NCALD: variants seen among roughly 807,000 people sequenced by gnomAD.
NCALD encodes the protein neurocalcin-delta.
Under a neutral mutation model 18.6 loss-of-function variants are expected in NCALD, and 10 were observed. The observed-to-expected ratio is 0.54, with a 90% CI of 0.33 to 0.91. NCALD has a LOEUF of 0.91. Among genes scored for constraint, NCALD ranks in the 40% least tolerant of loss-of-function variants. The probability of loss-of-function intolerance (pLI) is 0.03; values close to 1 mark genes in which losing one functional copy is unlikely to be tolerated. For synonymous variants in NCALD, 88 were observed against 87.4 expected (o/e 1.01, Z -0.04); for missense variants, 184 against 247.6 (o/e 0.74, Z 1.72).
At chr8:101,772,527 T>C (rs1372539389) in intron 1 of NCALD, among the ~76,000 whole-genome samples, 1 of 152,210 alleles carries the variant, frequency 6.6e-6, no homozygotes, top group Non-Finnish European at 1.5e-5. Flanking sequence ...TTCTCTAGCA[T>C]GCTATTCCTG....
At chr8:102,080,782 A>G (rs773473557) in intron 1 of NCALD, among the ~76,000 whole-genome samples, 9 of 152,198 alleles carry the variant, frequency 5.9e-5, no homozygotes, top group South Asian at 4.1e-4. Flanking sequence ...TACCTAATCA[A>G]TGGTTCTTGA....
intron 3 of NCALD, among the ~76,000 whole-genome samples, chr8:101,900,342 T>C (rs1432002140): frequency 2.0e-5 from 3 of 151,916 alleles, no homozygotes; most frequent in Non-Finnish European, 4.4e-5. Context: ...TTTATTAATT[T>C]CTGCTTTTAT....
At chr8:102,061,380 G>T (rs952818735) in intron 1 of NCALD, among the ~76,000 whole-genome samples, 2 of 152,130 alleles carry the variant, frequency 1.3e-5, no homozygotes, top group Non-Finnish European at 2.9e-5. Flanking sequence ...AAACAAAAGG[G>T]AGTTGGTCAC....
intron 2 of NCALD, among the ~76,000 whole-genome samples, chr8:101,925,839 T>C (rs114131156): frequency 0.023 from 3,479 of 152,252 alleles, 49 homozygotes; most frequent in African/African-American, 0.047. Flanking sequence ...AAGGAATGAT[T>C]GATTGTCTGG....
chr8:102,121,873 T>G (rs1039144562), intron 1 of NCALD, among the ~76,000 whole-genome samples: 2 of 152,234 alleles, frequency 1.3e-5, no homozygotes, highest in East Asian at 3.8e-4. Context: ...ATATAAAGCT[T>G]GGTTTGGTCC....
At chr8:102,039,211 A>G (rs930043623) in intron 1 of NCALD, among the ~76,000 whole-genome samples, 2 of 152,128 alleles carry the variant, frequency 1.3e-5, no homozygotes, top group African/African-American at 4.8e-5. Context: ...GGTCCTCTGT[A>G]CTTGGACTCC....
At chr8:101,862,138 A>T (rs1283872603) in intron 4 of NCALD, among the ~76,000 whole-genome samples, 2 of 152,238 alleles carry the variant, frequency 1.3e-5, no homozygotes, top group African/African-American at 2.4e-5. Context: ...CTGACAAAGA[A>T]TTAGAAGTTA....
At chr8:101,946,468 T>C (rs936045292) in intron 2 of NCALD, among the ~76,000 whole-genome samples, 3 of 152,154 alleles carry the variant, frequency 2.0e-5, no homozygotes, top group African/African-American at 4.8e-5. Context: ...TTAAAAACTA[T>C]AAATGGAGCT....
chr8:102,042,987 A>G (rs1417903878), intron 1 of NCALD, among the ~76,000 whole-genome samples: 2 of 151,926 alleles, frequency 1.3e-5, no homozygotes, highest in Non-Finnish European at 1.5e-5. Flanking sequence ...GATGCAGTCC[A>G]GTCTTGTATG....
chr8:101,921,095 C>CA (rs1818148899), intron 2 of NCALD, among the ~76,000 whole-genome samples: 2 of 151,992 alleles, frequency 1.3e-5, no homozygotes, highest in Non-Finnish European at 2.9e-5. Flanking sequence ...TATTAGATCC[C>CA]ATTACTAATG....
chr8:102,097,891 C>G (rs1177097596), intron 1 of NCALD, among the ~76,000 whole-genome samples: 1 of 152,192 alleles, frequency 6.6e-6, no homozygotes, highest in East Asian at 1.9e-4. Flanking sequence ...CCACCCTCAC[C>G]AGCAGCCAAC....
At chr8:101,903,100 A>G (rs1203687802) in intron 3 of NCALD, among the ~76,000 whole-genome samples, 3 of 152,232 alleles carry the variant, frequency 2.0e-5, no homozygotes, top group Non-Finnish European at 2.9e-5. Context: ...GAGGCAGGAA[A>G]AGAAATGAGT....
At chr8:101,710,503 A>G (rs954877222) in intron 2 of NCALD, among the ~76,000 whole-genome samples, 3 of 152,196 alleles carry the variant, frequency 2.0e-5, no homozygotes, top group Non-Finnish European at 2.9e-5. Context: ...CCTGCAAGCT[A>G]AGATCCACTA....
chr8:101,694,630 T>G (rs1814899459), intron 2 of NCALD, among the ~76,000 whole-genome samples: 1 of 152,050 alleles, frequency 6.6e-6, no homozygotes, highest in South Asian at 2.1e-4. Context: ...TGGGTGTCCC[T>G]GGGGTAAGCT....
At chr8:101,767,819 C>T (rs1421354137) in intron 1 of NCALD, among the ~76,000 whole-genome samples, 2 of 152,220 alleles carry the variant, frequency 1.3e-5, no homozygotes, top group Non-Finnish European at 2.9e-5. Context: ...TTGCCTGTGG[C>T]CTGACCCACA....
chr8:101,779,542 A>T (rs898984114), intron 1 of NCALD, among the ~76,000 whole-genome samples: 1 of 152,208 alleles, frequency 6.6e-6, no homozygotes, highest in Non-Finnish European at 1.5e-5. Flanking sequence ...TGGAATGTAA[A>T]AAACACTGGT....
chr8:102,108,780 C>G (rs911263688), intron 1 of NCALD, among the ~76,000 whole-genome samples: 1 of 152,024 alleles, frequency 6.6e-6, no homozygotes, highest in Admixed American at 6.6e-5. Flanking sequence ...TGGAAGAGCT[C>G]CCTTTTTAAG....
intron 2 of NCALD, among the ~76,000 whole-genome samples, chr8:101,716,943 G>A (rs940993912): frequency 4.6e-5 from 7 of 152,182 alleles, no homozygotes; most frequent in Admixed American, 2.0e-4. Context: ...TTCTAGAATC[G>A]GGGAAAGGCA....
At chr8:101,830,477 C>G (rs559488237) in intron 4 of NCALD, among the ~76,000 whole-genome samples, 1 of 151,676 alleles carries the variant, frequency 6.6e-6, no homozygotes. Context: ...AGGAGAATCA[C>G]TTGAACCCAG....
Sources: allele counts gnomAD v4.1 joint callset (sites outside exome capture counted in the v4.1 genomes callset), GRCh38; gene constraint gnomAD v4.1.1; transcripts MANE v1.5; gene names NCBI Gene and HGNC (gene_info 2026-07-23, HGNC 2026-07-21).